Variants in TBC1D22A observed in about 807,000 individuals in gnomAD.
The protein encoded by TBC1D22A is TBC1 domain family member 22A.
In TBC1D22A, 38 loss-of-function variants were observed where a neutral mutation model predicts 60.2. That is an observed-to-expected ratio of 0.63 (90% CI 0.49 to 0.83). TBC1D22A has a LOEUF of 0.83. Ranked by LOEUF, TBC1D22A falls within the 40% of genes least tolerant of loss-of-function variation. TBC1D22A has a pLI of 0.00. For synonymous variants in TBC1D22A, 302 were observed against 281.7 expected (o/e 1.07, Z -0.72); for missense variants, 628 against 701.0 (o/e 0.90, Z 1.18).
intron 8 of TBC1D22A, among the ~76,000 whole-genome samples, chr22:46,941,406 A>G (rs1200868571): frequency 8.8e-6 from 1 of 113,488 alleles, no homozygotes; most frequent in Non-Finnish European, 1.8e-5. Flanking sequence ...TATACACAGA[A>G]TATATATACG....
At chr22:47,161,658 A>T (rs1015621916) in intron 12 of TBC1D22A, among the ~76,000 whole-genome samples, 36 of 152,298 alleles carry the variant, frequency 2.4e-4, no homozygotes, top group African/African-American at 5.3e-4. Context: ...CAAGGGGCTG[A>T]GTGTCTCGTC....
chr22:47,040,889 G>A (rs899341272), intron 11 of TBC1D22A, among the ~76,000 whole-genome samples: 1 of 152,146 alleles, frequency 6.6e-6, no homozygotes, highest in African/African-American at 2.4e-5. Flanking sequence ...GGCCTGGGAG[G>A]TTCCATTTCC....
chr22:47,108,153 A>T (rs888964482), intron 11 of TBC1D22A, among the ~76,000 whole-genome samples: 1 of 152,242 alleles, frequency 6.6e-6, no homozygotes, highest in African/African-American at 2.4e-5. Flanking sequence ...AGTTTTTTCA[A>T]AAGGTAAATA....
At chr22:47,002,726 C>T (rs538319623) in intron 10 of TBC1D22A, among the ~76,000 whole-genome samples, 3 of 152,222 alleles carry the variant, frequency 2.0e-5, no homozygotes, top group Admixed American at 6.5e-5. Context: ...GCCAGGGCAC[C>T]GTTGGATGAG....
intron 8 of TBC1D22A, among the ~76,000 whole-genome samples, chr22:46,957,721 C>T (rs974014221): frequency 2.0e-5 from 3 of 152,216 alleles, no homozygotes; most frequent in Non-Finnish European, 4.4e-5. Flanking sequence ...GGCCTTCCAG[C>T]GCCAGAGACG....
At chr22:46,848,149 G>A (rs2087105996) in intron 4 of TBC1D22A, among the ~76,000 whole-genome samples, 3 of 152,214 alleles carry the variant, frequency 2.0e-5, no homozygotes, top group Non-Finnish European at 2.9e-5. Flanking sequence ...ATTAAGAGCG[G>A]CTTTAAAGCT....
At chr22:47,059,611 C>T (rs2063504452) in intron 11 of TBC1D22A, among the ~76,000 whole-genome samples, 1 of 152,136 alleles carries the variant, frequency 6.6e-6, no homozygotes, top group African/African-American at 2.4e-5. Flanking sequence ...TGAAGAATTA[C>T]CGATCTCCTG....
chr22:46,959,798 G>C (rs560010275), intron 8 of TBC1D22A, among the ~76,000 whole-genome samples: 1 of 152,286 alleles, frequency 6.6e-6, no homozygotes, highest in Admixed American at 6.5e-5. Context: ...TGTCAGCCTG[G>C]ACTTGGCTTT....
chr22:46,841,943 G>T (rs2086790741), intron 4 of TBC1D22A, among the ~76,000 whole-genome samples: 1 of 152,166 alleles, frequency 6.6e-6, no homozygotes, highest in Non-Finnish European at 1.5e-5. Context: ...TGAATCCCAT[G>T]TTGAACATCT....
intron 1 of TBC1D22A, among the ~76,000 whole-genome samples, chr22:46,778,099 G>T (rs541068584): frequency 6.6e-6 from 1 of 152,112 alleles, no homozygotes; most frequent in Non-Finnish European, 1.5e-5. Context: ...TGGCATACTC[G>T]TGTAGGGCAG....
At chr22:47,114,097 CT>C (rs2065944962) in intron 12 of TBC1D22A, among the ~76,000 whole-genome samples, 1 of 152,206 alleles carries the variant, frequency 6.6e-6, no homozygotes, top group African/African-American at 2.4e-5. Context: ...ATTGTGTTTG[CT>C]GTTGGGCCGG....
At chr22:46,821,489 A>G (rs2085830240) in intron 4 of TBC1D22A, among the ~76,000 whole-genome samples, 1 of 151,976 alleles carries the variant, frequency 6.6e-6, no homozygotes, top group South Asian at 2.1e-4. Context: ...AAAGGATTTT[A>G]TTTCTCCTTT....
chr22:46,839,682 T>C (rs1007001466), intron 4 of TBC1D22A, among the ~76,000 whole-genome samples: 1 of 152,182 alleles, frequency 6.6e-6, no homozygotes. Flanking sequence ...ACCCCACTTA[T>C]TGATTTCAAA....
intron 10 of TBC1D22A, among the ~76,000 whole-genome samples, chr22:47,011,405 G>A (rs2061748481): frequency 6.6e-6 from 1 of 152,198 alleles, no homozygotes; most frequent in Non-Finnish European, 1.5e-5. Context: ...CTGAGAACTG[G>A]GAGATTAGAA....
chr22:47,104,946 G>T (rs2065576216), intron 11 of TBC1D22A, among the ~76,000 whole-genome samples: 1 of 151,318 alleles, frequency 6.6e-6, no homozygotes, highest in Non-Finnish European at 1.5e-5. Flanking sequence ...CCCCCTTTCT[G>T]GACCAAACCA....
intron 8 of TBC1D22A, among the ~76,000 whole-genome samples, chr22:46,962,692 G>A (rs541240055): frequency 1.3e-5 from 2 of 152,308 alleles, no homozygotes; most frequent in South Asian, 4.1e-4. Flanking sequence ...GCTTCAAAGA[G>A]CATGTTATAA....
intron 11 of TBC1D22A, among the ~76,000 whole-genome samples, chr22:47,059,931 A>G (rs888909473): frequency 3.9e-5 from 6 of 152,188 alleles, no homozygotes; most frequent in South Asian, 4.1e-4. Flanking sequence ...CTCCAGGCCA[A>G]GCTTCTCTGT....
chr22:47,063,006 G>T (rs1356186207), intron 11 of TBC1D22A, among the ~76,000 whole-genome samples: 2 of 152,180 alleles, frequency 1.3e-5, no homozygotes, highest in Non-Finnish European at 2.9e-5. Context: ...CAGGGAGAAG[G>T]TGCCACTGTG....
chr22:46,781,951 G>A (rs147478940), intron 1 of TBC1D22A, among the ~76,000 whole-genome samples: 8 of 152,340 alleles, frequency 5.3e-5, no homozygotes, highest in Non-Finnish European at 1.5e-5. Context: ...GTTTGGGGGC[G>A]ATGAAATCTG....
Sources: allele counts gnomAD v4.1 joint callset (sites outside exome capture counted in the v4.1 genomes callset), GRCh38; gene constraint gnomAD v4.1.1; transcripts MANE v1.5; gene names NCBI Gene and HGNC (gene_info 2026-07-23, HGNC 2026-07-21).